The following ZC3H12B variants were observed in gnomAD, a reference collection of about 807,000 sequenced individuals.
The protein encoded by ZC3H12B is zinc finger CCCH-type containing 12B.
In ZC3H12B, 7 loss-of-function variants were observed where a neutral mutation model predicts 43.9. The ratio of observed to expected loss-of-function variants is 0.16; its 90% CI spans 0.09 to 0.30. The LOEUF (loss-of-function observed/expected upper bound fraction) is 0.30, where lower values mean the gene tolerates loss of function less well. Ranked by LOEUF, ZC3H12B falls within the 10% of genes least tolerant of loss-of-function variation. ZC3H12B has a pLI of 1.00. For missense variants in ZC3H12B, 475 were observed against 670.2 expected (o/e 0.71, Z 3.22); for synonymous variants, 222 against 241.7 (o/e 0.92, Z 0.76).
chrX:65,037,002 T>A, the ZC3H12B span, among the ~76,000 whole-genome samples: 3 of 109,874 alleles, frequency 2.7e-5, no homozygotes, highest in Non-Finnish European at 5.7e-5. Context: ...TTTTTTTTTT[T>A]AAAGTGACTT....
At chrX:65,326,239 A>T in the ZC3H12B span, among the ~76,000 whole-genome samples, 1 of 111,996 alleles carries the variant, frequency 8.9e-6, no homozygotes, top group African/African-American at 3.2e-5. Context: ...ACCTACTCAT[A>T]TGGAGAAAAT....
the ZC3H12B span, among the ~76,000 whole-genome samples, chrX:65,291,919 G>A: frequency 2.7e-5 from 3 of 111,320 alleles, no homozygotes; most frequent in African/African-American, 6.5e-5. Context: ...AAATTATCAG[G>A]GATAAAAGGG....
the ZC3H12B span, among the ~76,000 whole-genome samples, chrX:65,224,638 G>T: frequency 8.9e-6 from 1 of 112,124 alleles, no homozygotes; most frequent in Non-Finnish European, 1.9e-5. Flanking sequence ...AGGGGTGACA[G>T]ATGGCACCTG....
At position 65,373,982 on chromosome X, in the gene ZC3H12B, T is replaced by TA. The variant is rs756280586; in HGVS notation, n.295+4985dup. Among the ~76,000 whole-genome samples the TA allele has an allele frequency of 5.8e-3, 267 of 45,672 alleles. 16 individuals are homozygous for TA. In the Admixed American group the frequency reaches 0.064, roughly 11 times the overall value. The allele number at this position is 45,672 out of a possible 115,157, so 39.7% of individuals were successfully genotyped here. A position where few individuals can be genotyped will look rare whatever the true frequency, so the allele number is the denominator to read the frequency against. On this transcript the variant is annotated intron_variant and non_coding_transcript_variant, in intron 2 of 5. Transcript: ENST00000617377. ...ATACTGTATATATAGTATATATATATACTATATATATATAGTATATATATA... is the reference window on the plus strand; with the variant it reads ...ATACTGTATATATAGTATATATATATAACTATATATATATAGTATATATATA...
At chrX:65,109,102 T>G in the ZC3H12B span, among the ~76,000 whole-genome samples, 1 of 111,680 alleles carries the variant, frequency 9.0e-6, no homozygotes, top group African/African-American at 3.2e-5. Flanking sequence ...CCTCCTTCAG[T>G]ATATTCCTAG....
At chrX:65,450,813 A>G (rs1298699603) in intron 3 of ZC3H12B, among the ~76,000 whole-genome samples, 1 of 80,095 alleles carries the variant, frequency 1.2e-5, no homozygotes, top group Non-Finnish European at 2.3e-5. Flanking sequence ...ATGTGTATAT[A>G]TGTATATATA....
At chrX:65,330,097 T>A in the ZC3H12B span, among the ~76,000 whole-genome samples, 1 of 109,021 alleles carries the variant, frequency 9.2e-6, no homozygotes, top group South Asian at 3.9e-4. Context: ...AAGTCATTAG[T>A]AACTTGATGG....
the ZC3H12B span, among the ~76,000 whole-genome samples, chrX:65,286,855 C>T: frequency 7.2e-5 from 8 of 110,630 alleles, no homozygotes; most frequent in Admixed American, 2.9e-4. Flanking sequence ...AGTTATCCCA[C>T]GCAAATGGAA....
intron 1 of ZC3H12B, among the ~76,000 whole-genome samples, chrX:65,489,827 C>G (rs1009310371): frequency 3.6e-5 from 4 of 111,997 alleles, no homozygotes; most frequent in African/African-American, 6.5e-5. Flanking sequence ...CTTTAAGGCT[C>G]TTTGTGATCA....
the ZC3H12B span, among the ~76,000 whole-genome samples, chrX:65,284,823 A>G: frequency 5.4e-5 from 6 of 112,006 alleles, no homozygotes; most frequent in Non-Finnish European, 9.4e-5. Context: ...GAAATTATGA[A>G]ACTGCAGAAT....
the ZC3H12B span, among the ~76,000 whole-genome samples, chrX:65,169,708 C>T: frequency 1.8e-5 from 2 of 111,916 alleles, no homozygotes; most frequent in African/African-American, 6.5e-5. Flanking sequence ...CTTTATGAAT[C>T]TGGGTGTTCC....
At chrX:65,192,769 CAGAT>C in the ZC3H12B span, among the ~76,000 whole-genome samples, 705 of 104,393 alleles carry the variant, frequency 6.8e-3, 3 homozygotes, top group Non-Finnish European at 9.3e-3. Context: ...GGGATTTTCC[CAGAT>C]AGATAGATAG....
the ZC3H12B span, among the ~76,000 whole-genome samples, chrX:65,228,159 G>T: frequency 9.0e-6 from 1 of 111,719 alleles, no homozygotes; most frequent in African/African-American, 3.3e-5. Flanking sequence ...ACCGAATCCA[G>T]CAACACATCA....
chrX:65,118,277 C>T, the ZC3H12B span, among the ~76,000 whole-genome samples: 1 of 111,591 alleles, frequency 9.0e-6, no homozygotes, highest in African/African-American at 3.3e-5. Flanking sequence ...AGGTCCTTGA[C>T]ATCGCACGTA....
At chrX:65,241,360 TG>T in the ZC3H12B span, among the ~76,000 whole-genome samples, 4 of 111,035 alleles carry the variant, frequency 3.6e-5, no homozygotes, top group Non-Finnish European at 7.6e-5. Context: ...TGCTGCATTG[TG>T]GGGGGACTCC....
the ZC3H12B span, among the ~76,000 whole-genome samples, chrX:65,091,749 C>T: frequency 6.3e-5 from 7 of 111,527 alleles, no homozygotes; most frequent in Non-Finnish European, 9.4e-5. Flanking sequence ...GTTCAAATAC[C>T]GGTTTGTAGT....
At chrX:65,177,228 C>T in the ZC3H12B span, among the ~76,000 whole-genome samples, 1 of 111,750 alleles carries the variant, frequency 8.9e-6, no homozygotes, top group African/African-American at 3.3e-5. Flanking sequence ...ATATTGAGCA[C>T]CTCTTTATGC....
At chrX:65,389,683 C>T (rs140022418) in intron 2 of ZC3H12B, among the ~76,000 whole-genome samples, 1 of 112,635 alleles carries the variant, frequency 8.9e-6, no homozygotes, top group African/African-American at 3.2e-5. Context: ...AAAACCAGTA[C>T]CTCAATTGGA....
At chrX:65,403,073 C>T (rs1006629816) in intron 3 of ZC3H12B, among the ~76,000 whole-genome samples, 8 of 111,917 alleles carry the variant, frequency 7.1e-5, no homozygotes, top group African/African-American at 2.6e-4. Context: ...CTCAAAGAAA[C>T]TCAAGATAAC....
Sources: allele counts gnomAD v4.1 joint callset (sites outside exome capture counted in the v4.1 genomes callset), GRCh38; gene constraint gnomAD v4.1.1; transcripts MANE v1.5; gene names NCBI Gene and HGNC (gene_info 2026-07-23, HGNC 2026-07-21).